The following PTCD3 variants were observed in gnomAD, a reference collection of about 807,000 sequenced individuals.
PTCD3 encodes pentatricopeptide repeat domain 3, also known as small ribosomal subunit protein mS39.
A neutral mutation model predicts 101.9 loss-of-function variants in PTCD3; 89 were observed. That is an observed-to-expected ratio of 0.87 (90% CI 0.74 to 1.04). The LOEUF (loss-of-function observed/expected upper bound fraction) is 1.04, where lower values mean the gene tolerates loss of function less well. PTCD3 is among the 50% of genes least tolerant of loss of function. The pLI is 0.00. For synonymous variants in PTCD3, 296 were observed against 278.5 expected (o/e 1.06, Z -0.63); for missense variants, 870 against 828.2 (o/e 1.05, Z -0.62).
Position 86,134,952 on chromosome 2 carries a change from C to T in PTCD3, c.1743C>T (p.Ile581=). 6.2e-7 allele frequency: 1 copy of T among 1,614,134 alleles called. No individual in the cohort carries two copies. The highest frequency in any genetic ancestry group is 1.1e-5 in the South Asian group (1 of 91,078). The change falls in exon 21 of 24, where the codon ATC becomes ATT. Residue 581 remains isoleucine (I), a synonymous_variant. Transcript: ENST00000254630. ...WPATSLNCIA[I]LFLRAGRTQE... is the part of the protein sequence containing the mutation. Reference sequence around the variant, plus strand: ...CCACCTCTCTCAACTGTATAGCTATCCTCTTTTTAAGGGCTGGGAGAACTC... The same window carrying T: ...CCACCTCTCTCAACTGTATAGCTATTCTCTTTTTAAGGGCTGGGAGAACTC...
At chr2:86,127,586 C>G (rs1476286646) in intron 13 of PTCD3, 6 of 460,284 alleles carry the variant, frequency 1.3e-5, no homozygotes, top group African/African-American at 5.9e-5. Context: ...TGACATTTTC[C>G]CAACATAATT....
In PTCD3 at chr2:86,110,417, GTA is replaced by G. The variant is rs1558792834; in HGVS notation, c.195-693_195-692del. 2.0e-5 allele frequency among the ~76,000 whole-genome samples: 3 copies of G among 152,270 alleles called. No individual in the cohort carries two copies. In the East Asian group the frequency reaches 5.8e-4, roughly 29 times the overall value. On this transcript the variant is annotated intron_variant, in intron 3 of 23. Transcript: ENST00000254630. The stretch of plus-strand genomic sequence containing the variant: ...AACTTTATTTAGAAAAATACTCTTG[GTA>G]TAATTCCCTTTTGGAAAGGAAACAC...
intron 14 of PTCD3, among the ~76,000 whole-genome samples, chr2:86,129,762 G>A (rs1334309553): frequency 1.3e-5 from 2 of 152,186 alleles, no homozygotes; most frequent in African/African-American, 4.8e-5. Flanking sequence ...GCAAAGGGAA[G>A]CATGCTTGAG....
Position 86,137,602 on chromosome 2 carries a change from T to C in PTCD3, c.*43T>C. The stretch of plus-strand genomic sequence containing the variant: ...CAGCAATGGGTCTCACCATAGCTGC[T>C]GGAATCACACCTGAGAACTGAGATA... On this transcript the variant is annotated 3_prime_UTR_variant, in exon 24 of 24. Transcript: ENST00000254630. 6.2e-7 allele frequency: 1 copy of C among 1,611,944 alleles called. No homozygotes were observed. Among genetic ancestry groups the C allele is most frequent in the South Asian group, 1.1e-5 (1 of 90,874 alleles).
chr2:86,132,269 A>G, intron 16 of PTCD3, 49 bp from the exon 17 acceptor site: 2 of 1,128,532 alleles, frequency 1.8e-6, no homozygotes, highest in South Asian at 2.7e-5. Flanking sequence ...TTTGTGAACC[A>G]CTGGCTGACA....
rs1226745741 is a variant in PTCD3 at position 86,121,570 on chromosome 2, A to G, written c.630A>G (p.Gln210=). The change falls in exon 8 of 24, where the codon CAA becomes CAG. Residue 210 remains glutamine, a synonymous_variant. Transcript: ENST00000254630. The part of the protein sequence containing the change: ...DQEPSTDYHF[Q]QTGQSEALEE... ...AGCCCTCAACTGATTACCATTTTCA[A>G]CAAACTGGACAGTCAGAAGCATTGG... 1 of 1,608,282 alleles carries G rather than the reference A, an allele frequency of 6.2e-7. No individual in the cohort carries two copies. The highest frequency in any genetic ancestry group is 1.1e-5 in the South Asian group (1 of 89,892).
intron 3 of PTCD3, chr2:86,110,854 G>A: frequency 1.4e-6 from 1 of 695,800 alleles, no homozygotes; most frequent in South Asian, 1.5e-5. Context: ...ATGAGGGCGG[G>A]ATGGAAATCA....
chr2:86,130,761 T>G, intron 15 of PTCD3, 24 bp downstream of exon 15: 1 of 1,611,742 alleles, frequency 6.2e-7, no homozygotes, highest in South Asian at 1.1e-5. Context: ...TCACTTGTGT[T>G]TTCCTCCTCT....
rs1487455806 is a variant in PTCD3 at position 86,139,023 on chromosome 2, T to C, written c.*1464T>C. The stretch of plus-strand genomic sequence containing the variant: ...GGGTAGATGGCCTATGAATTTGTAG[T>C]AGACTTTCAAAATGAGTGATTTGTT... On this transcript the variant is annotated 3_prime_UTR_variant, in exon 24 of 24. Transcript: ENST00000254630. 6.6e-6 allele frequency: 1 copy of C among 152,214 alleles called. No individual in the cohort carries two copies. The highest frequency in any genetic ancestry group is 1.5e-5 in the Non-Finnish European group (1 of 68,036). The allele number at this position is 152,214 out of a possible 1,614,324, so 9.4% of individuals were successfully genotyped here.
intron 6 of PTCD3, 28 bp from the exon 7 acceptor site, chr2:86,118,893 A>G (rs1169302887): frequency 6.2e-7 from 1 of 1,603,288 alleles, no homozygotes; most frequent in East Asian, 2.2e-5. Context: ...ACCTGTTTGT[A>G]GTAACTTTAG....
chr2:86,140,918 A>C lies in PTCD3; in HGVS notation c.*3359A>C, dbSNP rs528930370. The C allele has an allele frequency of 8.6e-6, 1 of 115,806 alleles. No individual in the cohort carries two copies. The highest frequency in any genetic ancestry group is 2.3e-4 in the East Asian group (1 of 4,314). The allele number at this position is 115,806 out of a possible 1,614,324, so 7.2% of individuals were successfully genotyped here. On this transcript the variant is annotated 3_prime_UTR_variant, in exon 24 of 24. Coordinates refer to ENST00000254630, the MANE Select transcript of PTCD3 (RefSeq NM_017952.6). ...AAAACCCATCTCAAAAAAAAAAAAA[A>C]AAAACCAAAAAAACTGTCCAGCTGT... is the stretch of plus-strand genomic sequence containing the variant.
intron 1 of PTCD3, chr2:86,107,287 C>T: frequency 2.1e-6 from 1 of 466,652 alleles, no homozygotes; most frequent in Admixed American, 2.4e-5. Flanking sequence ...TAACTGTGAT[C>T]TCTGTTTTAA....
rs748567992 is a variant in PTCD3 at position 86,116,572 on chromosome 2, C to A, written c.283C>A (p.Leu95Ile). 5 of 1,610,304 alleles carry A rather than the reference C, an allele frequency of 3.1e-6. No individual in the cohort carries two copies. In the South Asian group the frequency reaches 5.5e-5, roughly 18 times the overall value. The change falls in exon 5 of 24, where the codon CTT becomes ATT. Residue 95 changes from leucine to isoleucine, a missense_variant. Leu to Ile is a conservative substitution (Grantham distance 5). Transcript: ENST00000254630. ...VPYVFQDDPY[L>I]MPASSLESRS... ...TTATGTGTTTCAAGATGATCCTTACCTTATGCCAGCATCATCTTTGGAATC... is the reference window on the plus strand; with the variant it reads ...TTATGTGTTTCAAGATGATCCTTACATTATGCCAGCATCATCTTTGGAATC...
At chr2:86,137,413 G>T in intron 23 of PTCD3, 56 bp from the exon 24 acceptor site, 1 of 1,607,034 alleles carries the variant, frequency 6.2e-7, no homozygotes. Context: ...GAGACACCGA[G>T]AACCCCAGCA....
At chr2:86,119,164 G>T in intron 7 of PTCD3, 120 bp downstream of exon 7, 1 of 1,276,228 alleles carries the variant, frequency 7.8e-7, no homozygotes, top group Non-Finnish European at 1.1e-6. Flanking sequence ...TGCTTTGATG[G>T]CTGCGTGCTT....
intron 14 of PTCD3, 71 bp from the exon 15 acceptor site, chr2:86,130,577 T>A: frequency 6.5e-7 from 1 of 1,538,032 alleles, no homozygotes; most frequent in South Asian, 1.3e-5. Flanking sequence ...TGTGTCCCTT[T>A]GTATTAGGTA....
Position 86,121,038 on chromosome 2 carries a change from C to T in PTCD3, c.539-441C>T, listed in dbSNP as rs17026953. Among the ~76,000 whole-genome samples the T allele has an allele frequency of 6.9e-3, 1,054 of 152,160 alleles. 13 individuals are homozygous for T. Among genetic ancestry groups the T allele is most frequent in the African/African-American group, 0.023 (972 of 41,496 alleles). On this transcript the variant is annotated intron_variant, in intron 7 of 23. Transcript: ENST00000254630. Reference sequence around the variant, plus strand: ...CAATTTTTAAGAGACTACTATAGTTCGACAATTATGCTAGTATTTCTAGGC... The same window carrying T: ...CAATTTTTAAGAGACTACTATAGTTTGACAATTATGCTAGTATTTCTAGGC...
At chr2:86,127,709 AG>A in intron 13 of PTCD3, 1 of 541,198 alleles carries the variant, frequency 1.8e-6, no homozygotes, top group Non-Finnish European at 3.3e-6. Context: ...TTCTCAGTGA[AG>A]AATGTGACTA....
At chr2:86,113,869 T>G (rs557856915) in intron 4 of PTCD3, among the ~76,000 whole-genome samples, 11 of 152,344 alleles carry the variant, frequency 7.2e-5, no homozygotes, top group African/African-American at 2.4e-4. Context: ...TTGGGTCTAA[T>G]GTGCACTGGT....
Sources: gnomAD v4.1 joint callset for allele counts (sites outside exome capture counted in the v4.1 genomes callset) on GRCh38, gnomAD v4.1.1 for gene constraint, MANE v1.5 for transcripts, NCBI Gene and HGNC (gene_info 2026-07-23, HGNC 2026-07-21) for gene names.